Variants in HELZ observed in about 807,000 individuals in gnomAD.
The protein encoded by HELZ is ATP-dependent RNA helicase with zinc finger domain.
A neutral mutation model predicts 218.2 loss-of-function variants in HELZ; 23 were observed. That is an observed-to-expected ratio of 0.11 (90% CI 0.08 to 0.15). The LOEUF (loss-of-function observed/expected upper bound fraction) is 0.15. HELZ is among the 10% of genes least tolerant of loss of function. The pLI, the probability that HELZ is intolerant of heterozygous loss-of-function variation, is 1.00. For synonymous variants in HELZ, 814 were observed against 829.4 expected, an observed-to-expected ratio of 0.98 and a Z score of 0.32; for missense variants, 1,813 against 2,353.7, an observed-to-expected ratio of 0.77 and a Z score of 4.75.
chr17:67,176,036 G>A (rs927502399), intron 13 of HELZ, among the ~76,000 whole-genome samples: 1 of 152,072 alleles, frequency 6.6e-6, no homozygotes, highest in Non-Finnish European at 1.5e-5. Context: ...TACACCATGA[G>A]CAGCAAGTGT....
chr17:67,135,088 A>G (rs1383138353), intron 23 of HELZ, among the ~76,000 whole-genome samples: 1 of 152,058 alleles, frequency 6.6e-6, no homozygotes, highest in African/African-American at 2.4e-5. Flanking sequence ...TCACAAGTGT[A>G]TAAAGAAAGA....
chr17:67,089,146 T>C (rs755324709), intron 31 of HELZ, among the ~76,000 whole-genome samples: 1 of 152,214 alleles, frequency 6.6e-6, no homozygotes, highest in Non-Finnish European at 1.5e-5. Context: ...ACGTTGGGTA[T>C]GGGCTCAGAA....
intron 17 of HELZ, among the ~76,000 whole-genome samples, chr17:67,152,706 C>A: frequency 1.5e-5 from 2 of 132,896 alleles, no homozygotes; most frequent in African/African-American, 2.8e-5. Flanking sequence ...AAGATAGCTA[C>A]AATTGGGATA....
Position 67,188,863 on chromosome 17 carries a change from A to G in HELZ, c.865-247T>C, listed in dbSNP as rs2039825533. 6.6e-6 allele frequency among the ~76,000 whole-genome samples: 1 copy of G among 152,142 alleles called. No homozygotes were observed. Among genetic ancestry groups the G allele is most frequent in the Non-Finnish European group, 1.5e-5 (1 of 68,014 alleles). On this transcript the variant is annotated intron_variant, in intron 11 of 32. Transcript: ENST00000358691. The surrounding 1 kb of genome is among the most constrained non-coding windows in gnomAD (Gnocchi z 4.1). Reference sequence around the variant, plus strand: ...TTCATTTTTCACTGTGGCAAAAGCTATCACCCTATATAACCATCAACCTTC... The same window carrying G: ...TTCATTTTTCACTGTGGCAAAAGCTGTCACCCTATATAACCATCAACCTTC...
chr17:67,148,874 T>C (rs2038590073), intron 19 of HELZ, among the ~76,000 whole-genome samples, 160 bp from the exon 20 acceptor site: 1 of 152,180 alleles, frequency 6.6e-6, no homozygotes, highest in South Asian at 2.1e-4. Flanking sequence ...CTCTGAACCA[T>C]TACCACTACT....
rs10692832 is a variant in HELZ, at chr17:67,212,314, C to CAAAAA, written c.247+3580_247+3584dup. Among the ~76,000 whole-genome samples, 118 of 21,334 alleles carry CAAAAA rather than the reference C, an allele frequency of 5.5e-3. 6 individuals carry two copies. Among genetic ancestry groups the CAAAAA allele is most frequent in the East Asian group, 0.013 (7 of 554 alleles). 14.0% of individuals were successfully genotyped at this position (21,334 alleles called of 152,430 possible). On this transcript the variant is annotated intron_variant, in intron 5 of 32. Coordinates refer to ENST00000358691, the MANE Select transcript of HELZ (RefSeq NM_014877.4). The stretch of plus-strand genomic sequence containing the variant: ...TGGGCGACAGGGAGAGACACCATCT[C>CAAAAA]AAAAAAAAAAAAAAAAAAAAAGGCT...
intron 31 of HELZ, among the ~76,000 whole-genome samples, chr17:67,095,604 C>A (rs1475925460): frequency 6.6e-6 from 1 of 152,134 alleles, no homozygotes; most frequent in Non-Finnish European, 1.5e-5. Flanking sequence ...AAGATTACAG[C>A]AAGTTAGTCA....
rs554916397 is a variant in HELZ at position 67,237,446 on chromosome 17, A to C, written c.-19+1987T>G. Among the ~76,000 whole-genome samples the C allele has an allele frequency of 2.0e-5, 3 of 152,338 alleles. No homozygotes were observed. In the South Asian group the frequency reaches 6.2e-4, roughly 32 times the overall value. On this transcript the variant is annotated intron_variant, in intron 3 of 32. Transcript: ENST00000358691. ...CACATTAAAGTCTCTGGGATTCTCA[A>C]GGCTAACTTGCTGACTTAGCAGTGG...
rs200924704 is a variant in HELZ at position 67,107,499 on chromosome 17, G to A, written c.4911C>T (p.Asn1637=). ...TGCTGGCTACTTCAATGTCTCTGCT[G>A]TTATCATTAAAGTTAGAAAAGTGGC... ...HSSHFSNFND[N]SRDIEVASNP... is the part of the protein sequence containing the mutation. Residue 1637 remains asparagine (N), a synonymous_variant, in exon 31 of 33, where the codon AAC becomes AAT. Transcript: ENST00000358691. 4.3e-6 allele frequency: 7 copies of A among 1,614,164 alleles called. No homozygotes were observed. In the East Asian group the frequency reaches 8.9e-5, roughly 21 times the overall value.
intron 7 of HELZ, among the ~76,000 whole-genome samples, chr17:67,195,869 T>TGGG (rs1491361512): frequency 4.5e-5 from 6 of 134,818 alleles, no homozygotes; most frequent in African/African-American, 1.2e-4. Context: ...TTTTTTTTTT[T>TGGG]GGGACAAAGT....
chr17:67,120,226 G>A (rs562199723), intron 27 of HELZ, among the ~76,000 whole-genome samples, 179 bp downstream of exon 27: 12 of 151,494 alleles, frequency 7.9e-5, no homozygotes, highest in African/African-American at 2.7e-4. Context: ...GGATGGTCTC[G>A]ATCTCCTGAC....
At chr17:67,152,237 C>T (rs772021863) in intron 17 of HELZ, among the ~76,000 whole-genome samples, 1 of 152,126 alleles carries the variant, frequency 6.6e-6, no homozygotes, top group African/African-American at 2.4e-5. Flanking sequence ...ACCAGCATTT[C>T]ACTGAACATG....
chr17:67,095,925 G>C (rs974880861), intron 31 of HELZ, among the ~76,000 whole-genome samples: 2 of 152,278 alleles, frequency 1.3e-5, no homozygotes, highest in East Asian at 1.9e-4. Context: ...AGGAATCACT[G>C]TCTGTGGCAG....
chr17:67,124,105 A>T, intron 24 of HELZ, 91 bp from the exon 25 acceptor site: 1 of 797,954 alleles, frequency 1.3e-6, no homozygotes. Context: ...AAATTAATGT[A>T]CACATCAATA....
At chr17:67,170,597 C>T (rs1205759384) in intron 13 of HELZ, among the ~76,000 whole-genome samples, 2 of 151,766 alleles carry the variant, frequency 1.3e-5, no homozygotes, top group African/African-American at 4.8e-5. Flanking sequence ...GAGGCCGAGG[C>T]GGGAAGATCA....
intron 32 of HELZ, among the ~76,000 whole-genome samples, chr17:67,084,141 C>T (rs2036281968): frequency 6.6e-6 from 1 of 152,176 alleles, no homozygotes; most frequent in East Asian, 1.9e-4. Flanking sequence ...AGAAGTTGTG[C>T]TTCAGGACAC....
chr17:67,224,786 C>A, intron 3 of HELZ: 1 of 1,183,804 alleles, frequency 8.4e-7, no homozygotes, highest in Non-Finnish European at 1.2e-6. Context: ...AAGCACCAAC[C>A]CCACAAAACG....
chr17:67,174,487 C>T (rs554146789), intron 13 of HELZ, among the ~76,000 whole-genome samples: 159 of 152,216 alleles, frequency 1.0e-3, no homozygotes, highest in Middle Eastern at 6.8e-3. Flanking sequence ...CCCCTTGATA[C>T]TACTTTCGTG....
chr17:67,106,674 TTA>T (rs1159198507), intron 31 of HELZ, among the ~76,000 whole-genome samples: 2 of 152,190 alleles, frequency 1.3e-5, no homozygotes, highest in African/African-American at 4.8e-5. Flanking sequence ...ACAGTCAATT[TTA>T]TGTTAAAAAT....
Sources: allele counts gnomAD v4.1 joint callset (sites outside exome capture counted in the v4.1 genomes callset), GRCh38; gene constraint gnomAD v4.1.1; non-coding constraint Gnocchi (gnomAD v3.1); transcripts MANE v1.5; gene names NCBI Gene and HGNC (gene_info 2026-07-23, HGNC 2026-07-21).